Variants in GPC5 observed in about 807,000 individuals in gnomAD.
GPC5 encodes the protein glypican-5.
GPC5 carries 47 observed loss-of-function variants against 53.9 expected under a neutral mutation model. The ratio of observed to expected loss-of-function variants is 0.87; its 90% confidence interval spans 0.69 to 1.11. The LOEUF (loss-of-function observed/expected upper bound fraction) is 1.11, where lower values mean the gene tolerates loss of function less well. GPC5 is among the 50% of genes most tolerant of loss of function. The pLI, the probability that GPC5 is intolerant of heterozygous loss-of-function variation, is 0.00. For synonymous variants in GPC5, 286 were observed against 263.3 expected (o/e 1.09, Z -0.84); for missense variants, 748 against 713.1 (o/e 1.05, Z -0.56).
chr13:92,354,492 G>A (rs570811969), intron 7 of GPC5, among the ~76,000 whole-genome samples: 65 of 152,248 alleles, frequency 4.3e-4, no homozygotes, highest in African/African-American at 1.3e-3. Flanking sequence ...ACTAACATTC[G>A]TAATTTATTC....
chr13:91,594,340 A>G (rs1026569886), intron 2 of GPC5, among the ~76,000 whole-genome samples: 1 of 152,192 alleles, frequency 6.6e-6, no homozygotes, highest in African/African-American at 2.4e-5. Flanking sequence ...GTATGGTCTC[A>G]TTATTTCTAT....
intron 2 of GPC5, among the ~76,000 whole-genome samples, chr13:91,597,793 C>T (rs1173941017): frequency 1.3e-5 from 2 of 151,970 alleles, no homozygotes; most frequent in African/African-American, 4.8e-5. Flanking sequence ...TCCCTGATAC[C>T]CTTTCAGCTT....
At chr13:92,217,722 T>C (rs772710151) in intron 7 of GPC5, among the ~76,000 whole-genome samples, 1 of 152,100 alleles carries the variant, frequency 6.6e-6, no homozygotes, top group African/African-American at 2.4e-5. Context: ...TTTTTTCTTT[T>C]AACAACATTC....
chr13:91,686,155 A>G (rs539146910), intron 2 of GPC5, among the ~76,000 whole-genome samples: 2 of 152,026 alleles, frequency 1.3e-5, no homozygotes, highest in Non-Finnish European at 2.9e-5. Context: ...TTTAGAACTG[A>G]TTTTATCTGT....
intron 7 of GPC5, among the ~76,000 whole-genome samples, chr13:92,669,862 G>C (rs1230022458): frequency 6.6e-6 from 1 of 152,136 alleles, no homozygotes; most frequent in African/African-American, 2.4e-5. Flanking sequence ...ATAGTCAATA[G>C]CCATAGGCTT....
At chr13:92,789,786 G>A (rs1876397416) in intron 7 of GPC5, among the ~76,000 whole-genome samples, 1 of 152,070 alleles carries the variant, frequency 6.6e-6, no homozygotes, top group South Asian at 2.1e-4. Flanking sequence ...ATATATGAAA[G>A]GGAATTTATT....
At chr13:92,277,895 C>T (rs1368392352) in intron 7 of GPC5, among the ~76,000 whole-genome samples, 1 of 151,762 alleles carries the variant, frequency 6.6e-6, no homozygotes, top group Non-Finnish European at 1.5e-5. Context: ...TATTTAGATA[C>T]TAGAAAAATA....
chr13:91,399,053 G>A lies in GPC5; in HGVS notation c.7G>A (p.Ala3Thr), dbSNP rs778584986. The A allele has an allele frequency of 3.1e-5, 48 of 1,554,458 alleles. No individual in the cohort carries two copies. Among genetic ancestry groups the A allele is most frequent in the Non-Finnish European group, 3.7e-5 (43 of 1,149,468 alleles). Residue 3 changes from alanine to threonine, a missense_variant, in exon 1 of 8, where the codon GCA becomes ACA. Ala to Thr is a moderately conservative substitution (Grantham distance 58, BLOSUM62 0). Transcript: ENST00000377067. MD[A>T]QTWPVGFRCL... ...GGGGACCAGGACGGCGAGGATGGAC[G>A]CACAGACCTGGCCCGTGGGCTTTCG...
chr13:92,151,136 C>G (rs919946980), intron 7 of GPC5, among the ~76,000 whole-genome samples: 39 of 152,126 alleles, frequency 2.6e-4, no homozygotes, highest in African/African-American at 9.2e-4. Context: ...TTCAGTCCCT[C>G]TAACTGTGTG....
chr13:92,051,287 T>C (rs2041026636), intron 6 of GPC5, among the ~76,000 whole-genome samples: 1 of 149,092 alleles, frequency 6.7e-6, no homozygotes, highest in East Asian at 2.0e-4. Flanking sequence ...CTGCAATCTC[T>C]GCCTCCCGGG....
chr13:92,337,443 G>A (rs543282846), intron 7 of GPC5, among the ~76,000 whole-genome samples: 2 of 152,202 alleles, frequency 1.3e-5, no homozygotes, highest in South Asian at 4.1e-4. Context: ...TGATTCTAAT[G>A]TTTATATGGA....
intron 7 of GPC5, among the ~76,000 whole-genome samples, chr13:92,443,363 C>A (rs952979561): frequency 6.6e-6 from 1 of 152,152 alleles, no homozygotes; most frequent in Non-Finnish European, 1.5e-5. Context: ...TAAAAGATAT[C>A]CAAACCATAT....
chr13:92,634,388 A>G (rs1432430647), intron 7 of GPC5, among the ~76,000 whole-genome samples: 1 of 152,052 alleles, frequency 6.6e-6, no homozygotes, highest in Non-Finnish European at 1.5e-5. Context: ...TAAAAAGGTG[A>G]GGCCTTTTGT....
At chr13:92,174,554 A>G (rs34478573) in intron 7 of GPC5, among the ~76,000 whole-genome samples, 2 of 151,544 alleles carry the variant, frequency 1.3e-5, no homozygotes, top group African/African-American at 4.9e-5. Flanking sequence ...AAAAAAACAA[A>G]AACAACAACA....
intron 7 of GPC5, among the ~76,000 whole-genome samples, chr13:92,517,827 G>A (rs565687421): frequency 4.6e-5 from 7 of 152,340 alleles, no homozygotes; most frequent in South Asian, 2.1e-4. Context: ...AAAGCTGGAC[G>A]GAGAATGACT....
At chr13:91,580,816 A>G (rs1226512884) in intron 2 of GPC5, among the ~76,000 whole-genome samples, 1 of 152,152 alleles carries the variant, frequency 6.6e-6, no homozygotes, top group Admixed American at 6.6e-5. Flanking sequence ...TCATATATTC[A>G]TTAAGTTATT....
chr13:91,588,220 A>C lies in GPC5; in HGVS notation c.326-104967A>C, dbSNP rs74105067. ...CTCATAAAACATTAGAAATCTATAC[A>C]TACAGCTATGGTAAATATTCTTAGG... On this transcript the variant is annotated intron_variant, in intron 2 of 7. Transcript: ENST00000377067. Among the ~76,000 whole-genome samples, 1,257 of 152,252 alleles carry C rather than the reference A, an allele frequency of 8.3e-3. 19 individuals are homozygous for C. Among genetic ancestry groups the C allele is most frequent in the African/African-American group, 0.028 (1,184 of 41,556 alleles).
chr13:92,611,984 T>C (rs774468383), intron 7 of GPC5, among the ~76,000 whole-genome samples: 122 of 152,158 alleles, frequency 8.0e-4, no homozygotes, highest in Non-Finnish European at 6.9e-4. Context: ...AGAATATTTT[T>C]AGCTCAGAGC....
intron 5 of GPC5, among the ~76,000 whole-genome samples, chr13:91,764,562 A>G (rs1397690572): frequency 6.6e-6 from 1 of 152,210 alleles, no homozygotes; most frequent in Non-Finnish European, 1.5e-5. Flanking sequence ...TAGTTCCATA[A>G]ACCGTGTAAA....
Sources: gnomAD v4.1 joint callset for allele counts (sites outside exome capture counted in the v4.1 genomes callset) on GRCh38, gnomAD v4.1.1 for gene constraint, MANE v1.5 for transcripts, NCBI Gene and HGNC (gene_info 2026-07-23, HGNC 2026-07-21) for gene names.